Variants in RNF150 observed in about 807,000 individuals in gnomAD.
RNF150 encodes the protein ring finger protein 150.
RNF150 carries 24 observed loss-of-function variants against 39.3 expected under a neutral mutation model. The ratio of observed to expected loss-of-function variants is 0.61; its 90% CI spans 0.44 to 0.86. The LOEUF (loss-of-function observed/expected upper bound fraction) is 0.86. Among genes scored for constraint, RNF150 ranks in the 40% least tolerant of loss-of-function variants. RNF150 has a pLI of 0.00. For synonymous variants in RNF150, 255 were observed against 227.3 expected, an observed-to-expected ratio of 1.12 and a Z score of -1.10; for missense variants, 502 against 587.8, an observed-to-expected ratio of 0.85 and a Z score of 1.51.
intron 1 of RNF150, among the ~76,000 whole-genome samples, chr4:141,083,151 A>T (rs544820978): frequency 4.5e-4 from 69 of 152,326 alleles, no homozygotes; most frequent in African/African-American, 1.6e-3. Context: ...ATGGCTCATC[A>T]CAGATGGGGA....
intron 1 of RNF150, among the ~76,000 whole-genome samples, chr4:141,156,761 A>G (rs1446562082): frequency 7.5e-6 from 1 of 132,840 alleles, no homozygotes; most frequent in Non-Finnish European, 1.6e-5. Flanking sequence ...AAAAAAATTA[A>G]CCAGGTGTGT....
chr4:141,151,385 A>G (rs956676955), intron 1 of RNF150, among the ~76,000 whole-genome samples: 1 of 149,776 alleles, frequency 6.7e-6, no homozygotes, highest in Non-Finnish European at 1.5e-5. Flanking sequence ...AGCCTGGGCA[A>G]TGTAGTGAAA....
At chr4:141,054,496 G>T (rs997794756) in intron 1 of RNF150, among the ~76,000 whole-genome samples, 1 of 151,930 alleles carries the variant, frequency 6.6e-6, no homozygotes, top group East Asian at 1.9e-4. Context: ...AATTTTGGAC[G>T]TACCACCAAA....
intron 1 of RNF150, among the ~76,000 whole-genome samples, chr4:141,130,618 T>C (rs984345937): frequency 1.3e-5 from 2 of 152,200 alleles, no homozygotes; most frequent in African/African-American, 2.4e-5. Context: ...TTCAAAGAAG[T>C]TGAGTTCAAG....
At chr4:140,948,358 G>A (rs966880069) in intron 3 of RNF150, among the ~76,000 whole-genome samples, 23 of 152,114 alleles carry the variant, frequency 1.5e-4, no homozygotes, top group African/African-American at 4.8e-4. Flanking sequence ...ATTCAGATTA[G>A]AGACAATACC....
intron 5 of RNF150, among the ~76,000 whole-genome samples, chr4:140,920,403 A>AG (rs1166195085): frequency 1.1e-4 from 16 of 147,794 alleles, no homozygotes; most frequent in South Asian, 6.9e-4. Context: ...TTCTCAAAAG[A>AG]GACATTTATG....
chr4:141,132,851 C>T lies in RNF150; in HGVS notation c.-43G>A. ...CCCTCCCCGCCCCCGCGCCCTCCCT[C>T]CGTCCCGTCCCTCCTCCCCAGCCCC... is the stretch of plus-strand genomic sequence containing the variant. On this transcript the variant is annotated 5_prime_UTR_variant, in exon 1 of 7. Coordinates refer to ENST00000515673, the MANE Select transcript of RNF150 (RefSeq NM_020724.2). This position sits in a 1 kb window ranked among gnomAD's most constrained non-coding sequence, Gnocchi z 4.9. 4 of 1,520,840 alleles carry T rather than the reference C, an allele frequency of 2.6e-6. No individual in the cohort carries two copies. The highest frequency in any genetic ancestry group is 2.7e-6 in the Non-Finnish European group (3 of 1,107,208). 94.2% of individuals were successfully genotyped at this position (1,520,840 alleles called of 1,614,324 possible). A position where few individuals can be genotyped will look rare whatever the true frequency, so the allele number is the denominator to read the frequency against.
At chr4:141,130,348 GCCAT>G (rs147399724) in intron 1 of RNF150, among the ~76,000 whole-genome samples, 3,311 of 152,270 alleles carry the variant, frequency 0.022, 136 homozygotes, top group African/African-American at 0.075. Context: ...GAGTTTCCTG[GCCAT>G]TGGCAGATAC....
At chr4:141,156,186 G>A (rs1374740481) in intron 1 of RNF150, among the ~76,000 whole-genome samples, 1 of 152,234 alleles carries the variant, frequency 6.6e-6, no homozygotes, top group Non-Finnish European at 1.5e-5. Context: ...CCTTGGCCAA[G>A]AGAGTGTCCA....
rs1726913058 is a variant in RNF150 at position 141,132,248 on chromosome 4, T to A, written c.484+77A>T. 1 of 1,460,246 alleles carries A rather than the reference T, an allele frequency of 6.8e-7. No individual in the cohort carries two copies. The highest frequency in any genetic ancestry group is 2.5e-5 in the East Asian group (1 of 40,318). 90.5% of individuals were successfully genotyped at this position (1,460,246 alleles called of 1,614,324 possible). ...CCGCACGGACTTCCCAGAAGGAGCC[T>A]GGAGGCAGGCGCTGGATCCCTCTAG... On this transcript the variant is annotated intron_variant, in intron 1 of 6. Transcript: ENST00000515673. This position sits in a 1 kb window ranked among gnomAD's most constrained non-coding sequence, Gnocchi z 4.9.
chr4:141,090,761 C>T (rs11734543), intron 1 of RNF150, among the ~76,000 whole-genome samples: 72,572 of 152,004 alleles, frequency 0.48, 18,818 homozygotes, highest in Non-Finnish European at 0.58. Flanking sequence ...GCTGCTCAGC[C>T]CCTGGTGATT....
At chr4:140,885,653 C>T (rs1004522312) in intron 6 of RNF150, among the ~76,000 whole-genome samples, 47 of 150,518 alleles carry the variant, frequency 3.1e-4, no homozygotes, top group Non-Finnish European at 4.4e-4. Context: ...TCAGGCTGGT[C>T]TTGAACTCCT....
intron 1 of RNF150, among the ~76,000 whole-genome samples, chr4:141,105,047 A>G (rs1409267532): frequency 1.3e-5 from 2 of 152,178 alleles, no homozygotes; most frequent in East Asian, 3.9e-4. Flanking sequence ...AATCGTGTAT[A>G]CCTATTTAGG....
At chr4:141,076,098 C>T (rs1009769307) in intron 1 of RNF150, among the ~76,000 whole-genome samples, 1 of 151,936 alleles carries the variant, frequency 6.6e-6, no homozygotes, top group African/African-American at 2.4e-5. Flanking sequence ...TATAACACTG[C>T]AAACAGGAAC....
In RNF150 at chr4:141,013,772, C is replaced by T. The variant is rs76052455; in HGVS notation, c.485-45899G>A. Among the ~76,000 whole-genome samples, 492 of 152,260 alleles carry T rather than the reference C, an allele frequency of 3.2e-3. 2 individuals carry two copies. Among genetic ancestry groups the T allele is most frequent in the African/African-American group, 0.011 (472 of 41,562 alleles). On this transcript the variant is annotated intron_variant, in intron 1 of 6. Coordinates refer to ENST00000515673, the MANE Select transcript of RNF150 (RefSeq NM_020724.2). Reference sequence around the variant, plus strand: ...GTGAAGTTCTGATAGATGGAGACAGCGTGGCATGATTAAATCAAGCTATTG... The same window carrying T: ...GTGAAGTTCTGATAGATGGAGACAGTGTGGCATGATTAAATCAAGCTATTG...
Position 140,961,217 on chromosome 4 carries a change from T to C in RNF150, c.735+6406A>G, listed in dbSNP as rs1171773434. ...AAAGACCTTGCTGGGAGGCTTATAATGTGAAGAACATTTAGCAAATATTAC... is the reference window on the plus strand; with the variant it reads ...AAAGACCTTGCTGGGAGGCTTATAACGTGAAGAACATTTAGCAAATATTAC... On this transcript the variant is annotated intron_variant, in intron 2 of 6. Transcript: ENST00000515673. Among the ~76,000 whole-genome samples the C allele has an allele frequency of 1.4e-4, 21 of 152,308 alleles. No individual in the cohort carries two copies. The East Asian group carries it at 4.1e-3, about 29-fold the overall frequency.
intron 1 of RNF150, among the ~76,000 whole-genome samples, chr4:141,067,451 A>G (rs904135775): frequency 6.6e-6 from 1 of 152,166 alleles, no homozygotes; most frequent in Non-Finnish European, 1.5e-5. Context: ...GGACTCATCA[A>G]ATGAAAGTCT....
chr4:140,974,480 G>T (rs1334734881), intron 1 of RNF150, among the ~76,000 whole-genome samples: 6 of 152,148 alleles, frequency 3.9e-5, no homozygotes, highest in Admixed American at 3.9e-4. Context: ...TTAGTTTTTG[G>T]ATGAATATAA....
At chr4:141,158,811 G>A (rs1381587783) in intron 1 of RNF150, among the ~76,000 whole-genome samples, 1 of 142,916 alleles carries the variant, frequency 7.0e-6, no homozygotes, top group Non-Finnish European at 1.5e-5. Context: ...AGTATAATTT[G>A]TGAGACATTT....
Sources: allele counts gnomAD v4.1 joint callset (sites outside exome capture counted in the v4.1 genomes callset), GRCh38; gene constraint gnomAD v4.1.1; non-coding constraint Gnocchi (gnomAD v3.1); transcripts MANE v1.5; gene names NCBI Gene and HGNC (gene_info 2026-07-23, HGNC 2026-07-21).